PCCA: variants seen among roughly 807,000 people sequenced by gnomAD.
PCCA encodes propionyl-CoA carboxylase alpha chain, mitochondrial.
PCCA carries 74 observed loss-of-function variants against 101.3 expected under a neutral mutation model. The observed-to-expected ratio is 0.73, with a 90% confidence interval of 0.61 to 0.89. PCCA has a LOEUF of 0.89. PCCA is among the 40% of genes least tolerant of loss of function. The probability of loss-of-function intolerance (pLI) is 0.00; values close to 1 mark genes in which losing one functional copy is unlikely to be tolerated. For synonymous variants in PCCA, 294 were observed against 313.6 expected (o/e 0.94, Z 0.66); for missense variants, 891 against 907.0 (o/e 0.98, Z 0.23).
At chr13:100,095,497 A>G (rs2046686774) in intron 1 of PCCA, among the ~76,000 whole-genome samples, 1 of 152,174 alleles carries the variant, frequency 6.6e-6, no homozygotes, top group South Asian at 2.1e-4. Flanking sequence ...AAGGAAAAAG[A>G]TAGGTTAATG....
intron 6 of PCCA, among the ~76,000 whole-genome samples, chr13:100,191,149 T>C (rs923156760): frequency 6.6e-6 from 1 of 152,176 alleles, no homozygotes; most frequent in African/African-American, 2.4e-5. Context: ...ACCATAGTAC[T>C]TCCAAGCACC....
chr13:100,134,791 C>G (rs575823893), intron 4 of PCCA, among the ~76,000 whole-genome samples: 1 of 152,126 alleles, frequency 6.6e-6, no homozygotes, highest in South Asian at 2.1e-4. Context: ...TGTGCTCAAG[C>G]AGTTCTCTTG....
chr13:100,235,783 A>G lies in PCCA; in HGVS notation c.601-59A>G, dbSNP rs2060762460. The stretch of plus-strand genomic sequence containing the variant: ...CAGTAGTGCAATATATGACTGCCCT[A>G]AAGACATTGTGCAATGCCTCATGGG... On this transcript the variant is annotated intron_variant, in intron 7 of 23. Transcript: ENST00000376285. The G allele has an allele frequency of 4.3e-6, 5 of 1,158,200 alleles. No individual in the cohort carries two copies. In the East Asian group the frequency reaches 1.2e-4, roughly 27 times the overall value. The allele number at this position is 1,158,200 out of a possible 1,614,324, so 71.7% of individuals were successfully genotyped here. A position where few individuals can be genotyped will look rare whatever the true frequency, so the allele number is the denominator to read the frequency against.
chr13:100,310,783 C>T (rs2066850069), intron 16 of PCCA, among the ~76,000 whole-genome samples: 1 of 152,190 alleles, frequency 6.6e-6, no homozygotes. Context: ...CCATTATTCT[C>T]CTAACTTTAT....
chr13:100,222,571 A>G lies in PCCA; in HGVS notation c.600+13108A>G, dbSNP rs139948733. ...TATAAGATTACTTTTGAGAGTATCT[A>G]TGCAGATAGAAGTTTGCTGATGGAA... On this transcript the variant is annotated intron_variant, in intron 7 of 23. Transcript: ENST00000376285. 3.4e-4 allele frequency among the ~76,000 whole-genome samples: 52 copies of G among 152,340 alleles called. No individual in the cohort carries two copies. In the East Asian group the frequency reaches 9.4e-3, roughly 28 times the overall value.
At chr13:100,197,793 T>A (rs1026822060) in intron 6 of PCCA, among the ~76,000 whole-genome samples, 2 of 152,126 alleles carry the variant, frequency 1.3e-5, no homozygotes, top group African/African-American at 2.4e-5. Context: ...CAAAGTAAAT[T>A]TTAACACCTA....
chr13:100,300,650 C>T (rs1336181738), intron 12 of PCCA, among the ~76,000 whole-genome samples: 1 of 152,196 alleles, frequency 6.6e-6, no homozygotes, highest in African/African-American at 2.4e-5. Flanking sequence ...TAGACTTTTC[C>T]AGTGACTTAA....
At chr13:100,293,351 T>G (rs768906415) in intron 12 of PCCA, 5 of 390,300 alleles carry the variant, frequency 1.3e-5, no homozygotes, top group Non-Finnish European at 2.1e-5. Context: ...CCAGAAAGAT[T>G]TTAGAAATTT....
chr13:100,255,403 C>A (rs978050163), intron 8 of PCCA, among the ~76,000 whole-genome samples: 1 of 152,138 alleles, frequency 6.6e-6, no homozygotes, highest in Non-Finnish European at 1.5e-5. Flanking sequence ...ACTGTATAGT[C>A]CAGGGTCCTT....
intron 19 of PCCA, among the ~76,000 whole-genome samples, chr13:100,408,460 C>A (rs893861181): frequency 9.8e-5 from 15 of 152,322 alleles, no homozygotes; most frequent in Non-Finnish European, 1.8e-4. Flanking sequence ...TGAAAGGTAT[C>A]ACAGTTTTTA....
chr13:100,270,044 G>A (rs1303793361), intron 11 of PCCA, among the ~76,000 whole-genome samples: 1 of 152,184 alleles, frequency 6.6e-6, no homozygotes, highest in Non-Finnish European at 1.5e-5. Flanking sequence ...TGTTCTCATG[G>A]GATGCTTGTG....
At chr13:100,319,253 A>G (rs61970472) in intron 16 of PCCA, among the ~76,000 whole-genome samples, 2 of 152,118 alleles carry the variant, frequency 1.3e-5, no homozygotes, top group Non-Finnish European at 2.9e-5. Flanking sequence ...TCAGGTGAGT[A>G]GATTGCAAAA....
chr13:100,307,189 C>T lies in PCCA; in HGVS notation c.1285-3C>T, dbSNP rs564360028. ...CTTTTCTTTTTTTCTTTTTTTCTCC[C>T]AGGTCCGAGTGGACAGTGGCATCCA... is the stretch of plus-strand genomic sequence containing the variant. On this transcript the variant is annotated splice_region_variant and splice_polypyrimidine_tract_variant and intron_variant, in intron 14 of 23. Coordinates refer to ENST00000376285, the MANE Select transcript of PCCA (RefSeq NM_000282.4). The T allele has an allele frequency of 1.9e-6, 3 of 1,605,414 alleles. No homozygotes were observed. The highest frequency in any genetic ancestry group is 2.2e-5 in the South Asian group (2 of 90,870).
chr13:100,089,772 C>T (rs996040636), intron 1 of PCCA, among the ~76,000 whole-genome samples: 3 of 152,212 alleles, frequency 2.0e-5, no homozygotes, highest in African/African-American at 7.2e-5. Flanking sequence ...TTGTATGACA[C>T]CCCAGTCTAC....
In PCCA at chr13:100,309,881, G is replaced by A. The variant is rs1008587190; in HGVS notation, c.1402G>A (p.Asp468Asn). Residue 468 changes from aspartate to asparagine, a missense_variant, in exon 16 of 24, where the codon GAT becomes AAT. Physicochemically the swap from Asp to Asn is conservative, Grantham distance 23 (BLOSUM62 1). Coordinates refer to ENST00000376285, the MANE Select transcript of PCCA (RefSeq NM_000282.4). ...DRTEALKRMA[D>N]ALDNYVIRGV... ...AACTGAGGCACTGAAGAGAATGGCA[G>A]ATGCACTGGATAACTATGTTATTCG... 1.2e-6 allele frequency: 2 copies of A among 1,612,772 alleles called. No homozygotes were observed. Among genetic ancestry groups the A allele is most frequent in the African/African-American group, 2.7e-5 (2 of 74,882 alleles).
intron 4 of PCCA, among the ~76,000 whole-genome samples, chr13:100,115,687 A>G (rs150705491): frequency 4.5e-4 from 68 of 152,312 alleles, no homozygotes; most frequent in Non-Finnish European, 7.6e-4. Flanking sequence ...ATTCTGATCT[A>G]CAGGTAGACT....
intron 21 of PCCA, among the ~76,000 whole-genome samples, chr13:100,514,063 G>A (rs1039909729): frequency 3.3e-5 from 5 of 152,106 alleles, no homozygotes; most frequent in African/African-American, 7.2e-5. Context: ...CACTCTCCTC[G>A]CTTTTTCCCT....
chr13:100,201,013 C>A (rs2058452098), intron 6 of PCCA, among the ~76,000 whole-genome samples: 1 of 152,074 alleles, frequency 6.6e-6, no homozygotes, highest in African/African-American at 2.4e-5. Flanking sequence ...CTCACAATTG[C>A]TTATTTGTCT....
chr13:100,217,173 G>A (rs1726754279), intron 7 of PCCA, among the ~76,000 whole-genome samples: 1 of 150,390 alleles, frequency 6.6e-6, no homozygotes, highest in African/African-American at 2.4e-5. Flanking sequence ...AAGACTGGGT[G>A]CAGTGGCTTA....
Sources: gnomAD v4.1 joint callset for allele counts (sites outside exome capture counted in the v4.1 genomes callset) on GRCh38, gnomAD v4.1.1 for gene constraint, MANE v1.5 for transcripts, NCBI Gene and HGNC (gene_info 2026-07-23, HGNC 2026-07-21) for gene names.